Variants in HSD17B4 observed in about 807,000 individuals in gnomAD.
HSD17B4 encodes peroxisomal multifunctional enzyme type 2.
In HSD17B4, 70 loss-of-function variants were observed where a neutral mutation model predicts 101.0. The observed-to-expected ratio is 0.69, with a 90% CI of 0.57 to 0.85. HSD17B4 has a LOEUF of 0.85. Ranked by LOEUF, HSD17B4 falls within the 40% of genes least tolerant of loss-of-function variation. HSD17B4 has a pLI of 0.00. For missense variants in HSD17B4, 984 were observed against 892.4 expected (o/e 1.10, Z -1.31); for synonymous variants, 347 against 297.1 (o/e 1.17, Z -1.73).
chr5:119,489,438 G>A (rs956276386), intron 9 of HSD17B4, among the ~76,000 whole-genome samples, 155 bp downstream of exon 9: 2 of 152,136 alleles, frequency 1.3e-5, no homozygotes, highest in South Asian at 2.1e-4. Context: ...GAAAGTAATA[G>A]TAACTTTATA....
intron 14 of HSD17B4, among the ~76,000 whole-genome samples, chr5:119,503,492 T>C (rs888836454): frequency 6.6e-6 from 1 of 152,150 alleles, no homozygotes; most frequent in Non-Finnish European, 1.5e-5. Context: ...AAATATGAGA[T>C]ATTTGTGGTT....
intron 2 of HSD17B4, chr5:119,471,781 G>C: frequency 1.4e-6 from 1 of 733,288 alleles, no homozygotes; most frequent in Non-Finnish European, 2.2e-6. Flanking sequence ...ATGTTATTTT[G>C]TAAATTTTTT....
chr5:119,472,285 A>G (rs1461159893), intron 2 of HSD17B4, among the ~76,000 whole-genome samples: 2 of 152,204 alleles, frequency 1.3e-5, no homozygotes, highest in Non-Finnish European at 2.9e-5. Context: ...ATATTTCAAC[A>G]TTGTGTGCTT....
At chr5:119,475,182 T>C (rs565250009) in intron 4 of HSD17B4, among the ~76,000 whole-genome samples, 30 of 152,198 alleles carry the variant, frequency 2.0e-4, no homozygotes, top group Non-Finnish European at 3.2e-4. Context: ...AAATGTGAAA[T>C]CATAGGGTGA....
At chr5:119,459,979 T>C (rs1437630581) in intron 2 of HSD17B4, among the ~76,000 whole-genome samples, 2 of 151,548 alleles carry the variant, frequency 1.3e-5, no homozygotes, top group Non-Finnish European at 2.9e-5. Context: ...CACGCCATTC[T>C]CCTGCCTCAG....
intron 2 of HSD17B4, among the ~76,000 whole-genome samples, chr5:119,469,937 C>T (rs932435759): frequency 2.6e-5 from 4 of 152,066 alleles, no homozygotes; most frequent in African/African-American, 9.7e-5. Flanking sequence ...CAGGGATTGC[C>T]AGATGGGTTA....
intron 1 of HSD17B4, among the ~76,000 whole-genome samples, chr5:119,454,787 G>A (rs991007025): frequency 6.6e-6 from 1 of 151,646 alleles, no homozygotes; most frequent in Non-Finnish European, 1.5e-5. Flanking sequence ...AAGCCCAGCT[G>A]ATTTTTGTGG....
At chr5:119,502,787 A>G (rs1027636080) in intron 14 of HSD17B4, among the ~76,000 whole-genome samples, 3 of 152,062 alleles carry the variant, frequency 2.0e-5, no homozygotes, top group Non-Finnish European at 4.4e-5. Context: ...AAACCTTTTT[A>G]TTTTTCTAAA....
intron 6 of HSD17B4, 95 bp from the exon 7 acceptor site, chr5:119,477,322 G>T: frequency 1.1e-6 from 1 of 870,436 alleles, no homozygotes; most frequent in South Asian, 1.5e-5. Context: ...GGTATAAAAT[G>T]AACATCTTTG....
chr5:119,472,730 G>A (rs895931258), intron 2 of HSD17B4, among the ~76,000 whole-genome samples: 3 of 152,122 alleles, frequency 2.0e-5, no homozygotes, highest in South Asian at 2.1e-4. Context: ...CACCGCGCCC[G>A]GCCCAACGTA....
At chr5:119,492,146 G>T (rs1750166183) in intron 10 of HSD17B4, 22 bp downstream of exon 10, 1 of 1,586,978 alleles carries the variant, frequency 6.3e-7, no homozygotes, top group Admixed American at 1.7e-5. Flanking sequence ...TCAGTTTTTG[G>T]TTTGTATAGA....
At chr5:119,496,515 T>C (rs748253747) in intron 11 of HSD17B4, 28 bp from the exon 12 acceptor site, 24 of 1,138,172 alleles carry the variant, frequency 2.1e-5, no homozygotes, top group Non-Finnish European at 3.2e-5. Context: ...AAAGCTTTAT[T>C]TTTTTTGTTT....
chr5:119,468,169 T>G (rs905265355), intron 2 of HSD17B4, among the ~76,000 whole-genome samples: 2 of 152,144 alleles, frequency 1.3e-5, no homozygotes, highest in African/African-American at 4.8e-5. Context: ...GAAATTGGAT[T>G]CTTTTCTCTT....
chr5:119,508,585 C>G (rs17453681), intron 15 of HSD17B4, among the ~76,000 whole-genome samples: 18,413 of 152,162 alleles, frequency 0.12, 1,238 homozygotes, highest in South Asian at 0.15. Flanking sequence ...TGCTAACTTG[C>G]TCACTCATAT....
At chr5:119,467,879 A>G (rs549420900) in intron 2 of HSD17B4, among the ~76,000 whole-genome samples, 5 of 152,132 alleles carry the variant, frequency 3.3e-5, no homozygotes, top group Non-Finnish European at 7.4e-5. Context: ...TTCTATTTGT[A>G]TAGAATATCT....
At chr5:119,473,273 C>CTTTTTTTTTTTTTTT (rs11408993) in intron 2 of HSD17B4, among the ~76,000 whole-genome samples, 3 of 36,964 alleles carry the variant, frequency 8.1e-5, no homozygotes, top group African/African-American at 2.1e-4. Context: ...GTGGATGAAT[C>CTTTTTTTTTTTTTTT]TTTTTTTTTT....
intron 2 of HSD17B4, among the ~76,000 whole-genome samples, chr5:119,464,348 T>G (rs1300292241): frequency 6.6e-6 from 1 of 152,194 alleles, no homozygotes; most frequent in African/African-American, 2.4e-5. Context: ...TTAATAAATT[T>G]TGTGTTGATT....
At chr5:119,474,332 C>G in intron 3 of HSD17B4, 69 bp from the exon 4 acceptor site, 1 of 917,894 alleles carries the variant, frequency 1.1e-6, no homozygotes, top group Non-Finnish European at 1.8e-6. Flanking sequence ...TGTACTCTGA[C>G]CCACAGAATT....
In HSD17B4 at chr5:119,493,857, A is replaced by G; in HGVS notation, c.779A>G (p.Lys260Arg). The G allele has an allele frequency of 6.2e-7, 1 of 1,613,160 alleles. No individual in the cohort carries two copies. The highest frequency in any genetic ancestry group is 1.1e-5 in the South Asian group (1 of 91,076). ...ERTLGAIVRQ[K>R]NHPMTPEAVK... is the part of the protein sequence containing the mutation. ...ACTCTTGGAGCTATTGTAAGACAAAAGAATCACCCAATGACTCCTGAGGCA... is the reference window on the plus strand; with the variant it reads ...ACTCTTGGAGCTATTGTAAGACAAAGGAATCACCCAATGACTCCTGAGGCA... Residue 260 changes from lysine to arginine, a missense_variant, in exon 11 of 24, where the codon AAG (lysine) becomes AGG (arginine). Transcript: ENST00000510025.
Sources: allele counts gnomAD v4.1 joint callset (sites outside exome capture counted in the v4.1 genomes callset), GRCh38; gene constraint gnomAD v4.1.1; transcripts MANE v1.5; gene names NCBI Gene and HGNC (gene_info 2026-07-23, HGNC 2026-07-21).